Variants in AGBL2 observed in about 807,000 individuals in gnomAD.
AGBL2 encodes the protein AGBL carboxypeptidase 2.
Under a neutral mutation model 103.0 loss-of-function variants are expected in AGBL2, and 87 were observed. The ratio of observed to expected loss-of-function variants is 0.84; its 90% CI spans 0.71 to 1.01. AGBL2 has a LOEUF of 1.01. Among genes scored for constraint, AGBL2 ranks in the 50% least tolerant of loss-of-function variants. The pLI is 0.00. For synonymous variants in AGBL2, 335 were observed against 356.7 expected (o/e 0.94, Z 0.69); for missense variants, 904 against 1,023.5 (o/e 0.88, Z 1.59).
At chr11:47,709,057 G>A (rs2097529612) in intron 4 of AGBL2, among the ~76,000 whole-genome samples, 1 of 152,196 alleles carries the variant, frequency 6.6e-6, no homozygotes, top group Non-Finnish European at 1.5e-5. Context: ...GGGAGGCAGA[G>A]GTTGCAGTGA....
rs2153805415 is a variant in AGBL2, at chr11:47,707,723, T to C, written c.233-1806A>G. On this transcript the variant is annotated intron_variant, in intron 4 of 18. Coordinates refer to ENST00000525123, the MANE Select transcript of AGBL2 (RefSeq NM_024783.4). ...ACAGCAGTATAGGAAAGTGTGTTCC[T>C]CCATACCCTAACCTACACTACGTAT... Among the ~76,000 whole-genome samples the C allele has an allele frequency of 2.0e-5, 3 of 152,248 alleles. No homozygotes were observed. In the East Asian group the frequency reaches 5.8e-4, roughly 29 times the overall value.
chr11:47,704,697 C>T lies in AGBL2; in HGVS notation c.432G>A (p.Arg144=). Reference sequence around the variant, plus strand: ...ACTCATCATAAAGAAGCTGTCTGCTCCTAAGATGTGGTAAACTCAGCATAT... The same window carrying T: ...ACTCATCATAAAGAAGCTGTCTGCTTCTAAGATGTGGTAAACTCAGCATAT... ...DSHMLSLPHL[R]SRQLLYDELD... Residue 144 remains arginine (R), a synonymous_variant, in exon 7 of 19, where the codon AGG becomes AGA. Coordinates refer to ENST00000525123, the MANE Select transcript of AGBL2 (RefSeq NM_024783.4). The T allele has an allele frequency of 6.2e-7, 1 of 1,614,010 alleles. No homozygotes were observed. Among genetic ancestry groups the T allele is most frequent in the Non-Finnish European group, 8.5e-7 (1 of 1,180,004 alleles).
Position 47,677,450 on chromosome 11 carries a change from T to G in AGBL2, c.2017-49A>C, listed in dbSNP as rs148049322. On this transcript the variant is annotated intron_variant, in intron 13 of 18. Transcript: ENST00000525123. ...ATTTTGTTAATTCATTTTATTTTAT[T>G]TATTTATTATTATTATTTTTGAGAC... The G allele has an allele frequency of 2.1e-4, 244 of 1,181,636 alleles. 3 individuals carry two copies. In the East Asian group the frequency reaches 7.8e-3, roughly 38 times the overall value. 73.2% of individuals were successfully genotyped at this position (1,181,636 alleles called of 1,614,324 possible).
At position 47,682,099 on chromosome 11, in the gene AGBL2, A is replaced by C. The variant is rs775234437; in HGVS notation, c.1789-4T>G. On this transcript the variant is annotated splice_polypyrimidine_tract_variant and splice_region_variant and intron_variant, in intron 11 of 18. Coordinates refer to ENST00000525123, the MANE Select transcript of AGBL2 (RefSeq NM_024783.4). ...AATTACAACTGTGAAAAGAGAACTA[A>C]AAAGAAATCCAAATTTTCTGTTAAT... The C allele has an allele frequency of 1.9e-6, 3 of 1,612,404 alleles. No individual in the cohort carries two copies. Among genetic ancestry groups the C allele is most frequent in the Non-Finnish European group, 2.5e-6 (3 of 1,179,158 alleles).
Position 47,680,101 on chromosome 11 carries a change from T to A in AGBL2, c.1916-28A>T, listed in dbSNP as rs781253217. The A allele has an allele frequency of 8.3e-6, 11 of 1,328,250 alleles. No individual in the cohort carries two copies. The South Asian group carries it at 1.4e-4, about 17-fold the overall frequency. 82.3% of individuals were successfully genotyped at this position (1,328,250 alleles called of 1,614,324 possible). On this transcript the variant is annotated intron_variant, in intron 12 of 18. Coordinates refer to ENST00000525123, the MANE Select transcript of AGBL2 (RefSeq NM_024783.4). The stretch of plus-strand genomic sequence containing the variant: ...GGAAAAAAAAAAAACCCCGCAAACA[T>A]TTCCAATTAAATCTTAGTGACTGAA...
intron 9 of AGBL2, among the ~76,000 whole-genome samples, chr11:47,691,846 A>G (rs1329118108): frequency 6.8e-6 from 1 of 147,058 alleles, no homozygotes; most frequent in Non-Finnish European, 1.5e-5. Flanking sequence ...GTATGACTAT[A>G]GGACTTTTTA....
Position 47,692,195 on chromosome 11 carries a change from C to A in AGBL2, c.756G>T (p.Lys252Asn). The change falls in exon 9 of 19, where the codon AAG becomes AAT. Residue 252 changes from lysine (K) to asparagine (N), a missense_variant. Physicochemically the swap from Lys to Asn is moderately conservative, Grantham distance 94. Coordinates refer to ENST00000525123, the MANE Select transcript of AGBL2 (RefSeq NM_024783.4). ...SRVGGKRGIV[K>N]ELAVTLQGPE... Reference sequence around the variant, plus strand: ...GTCCTTGCAACGTGACAGCAAGTTCCTTGACAATTCCTCGTTTGCCTCCCA... The same window carrying A: ...GTCCTTGCAACGTGACAGCAAGTTCATTGACAATTCCTCGTTTGCCTCCCA... The A allele has an allele frequency of 6.2e-7, 1 of 1,613,762 alleles. No individual in the cohort carries two copies.
At chr11:47,670,315 A>G (rs2097353634) in intron 14 of AGBL2, among the ~76,000 whole-genome samples, 1 of 152,162 alleles carries the variant, frequency 6.6e-6, no homozygotes, top group African/African-American at 2.4e-5. Flanking sequence ...CGCTGTATCT[A>G]CAAAAAATGT....
chr11:47,711,742 C>T (rs1053852350), intron 3 of AGBL2, among the ~76,000 whole-genome samples: 1 of 152,090 alleles, frequency 6.6e-6, no homozygotes, highest in Non-Finnish European at 1.5e-5. Flanking sequence ...GCCATGTTGG[C>T]CAGGCTGGTC....
intron 18 of AGBL2, among the ~76,000 whole-genome samples, chr11:47,661,078 G>A (rs911574686): frequency 6.6e-6 from 1 of 152,012 alleles, no homozygotes; most frequent in East Asian, 1.9e-4. Flanking sequence ...TGGGATAATC[G>A]CTTGAGCCTG....
At chr11:47,696,035 A>AAAAAAAAAAAAAAAT (rs2097470791) in intron 8 of AGBL2, among the ~76,000 whole-genome samples, 1 of 10,292 alleles carries the variant, frequency 9.7e-5, no homozygotes, top group African/African-American at 2.3e-4. Context: ...AAAAAAAAAA[A>AAAAAAAAAAAAAAAT]AGAAAAAAAA....
At chr11:47,700,355 G>A (rs1480781687) in intron 7 of AGBL2, among the ~76,000 whole-genome samples, 2 of 151,774 alleles carry the variant, frequency 1.3e-5, no homozygotes, top group Non-Finnish European at 2.9e-5. Flanking sequence ...AAGGTGGGTA[G>A]ATTACCTGAG....
intron 17 of AGBL2, among the ~76,000 whole-genome samples, chr11:47,663,975 C>T (rs1254789984): frequency 6.6e-6 from 1 of 152,136 alleles, no homozygotes; most frequent in African/African-American, 2.4e-5. Flanking sequence ...CTGCCTCAGA[C>T]TCCCCAGTAG....
At chr11:47,709,345 G>A (rs1156908360) in intron 4 of AGBL2, among the ~76,000 whole-genome samples, 2 of 151,314 alleles carry the variant, frequency 1.3e-5, no homozygotes, top group Non-Finnish European at 2.9e-5. Context: ...TCTGAGGGTG[G>A]GGGTGTAAGG....
At chr11:47,670,316 CA>C (rs1411089340) in intron 14 of AGBL2, among the ~76,000 whole-genome samples, 4 of 151,914 alleles carry the variant, frequency 2.6e-5, no homozygotes, top group African/African-American at 9.7e-5. Flanking sequence ...GCTGTATCTA[CA>C]AAAAATGTTT....
chr11:47,714,936 A>G (rs78850248), intron 1 of AGBL2, 186 bp from the exon 2 acceptor site: 6,555 of 470,270 alleles, frequency 0.014, 379 homozygotes, highest in African/African-American at 0.12. Flanking sequence ...CTTCTTCCCA[A>G]GGTGCTGGCC....
chr11:47,685,715 C>G (rs1338006041), intron 11 of AGBL2, among the ~76,000 whole-genome samples, 178 bp downstream of exon 11: 1 of 152,052 alleles, frequency 6.6e-6, no homozygotes, highest in Non-Finnish European at 1.5e-5. Context: ...AGCCACTGTG[C>G]CTGGCCCCAC....
At chr11:47,706,068 TAAAAG>T in intron 4 of AGBL2, 151 bp from the exon 5 acceptor site, 1 of 651,866 alleles carries the variant, frequency 1.5e-6, no homozygotes, top group Non-Finnish European at 2.8e-6. Context: ...ATGGGGGAAA[TAAAAG>T]GAAATAAACA....
intron 3 of AGBL2, among the ~76,000 whole-genome samples, chr11:47,713,420 G>C (rs1317775411): frequency 3.3e-5 from 5 of 149,438 alleles, no homozygotes; most frequent in Non-Finnish European, 5.9e-5. Context: ...AGCTACTCAG[G>C]AGGCTGAGGC....
Sources: allele counts gnomAD v4.1 joint callset (sites outside exome capture counted in the v4.1 genomes callset), GRCh38; gene constraint gnomAD v4.1.1; transcripts MANE v1.5; gene names NCBI Gene and HGNC (gene_info 2026-07-23, HGNC 2026-07-21).